The following LSM14A variants were observed in gnomAD, a reference collection of about 807,000 sequenced individuals.
LSM14A encodes protein LSM14 homolog A.
LSM14A carries 14 observed loss-of-function variants against 52.4 expected under a neutral mutation model. The ratio of observed to expected loss-of-function variants is 0.27; its 90% CI spans 0.18 to 0.42. The LOEUF is 0.42. LSM14A is among the 10% of genes least tolerant of loss of function. The pLI is 1.00. For synonymous variants in LSM14A, 185 were observed against 200.3 expected, an observed-to-expected ratio of 0.92 and a Z score of 0.64; for missense variants, 417 against 581.8, an observed-to-expected ratio of 0.72 and a Z score of 2.91.
chr19:34,221,832 T>G (rs1568502686), intron 9 of LSM14A, 94 bp downstream of exon 9: 1 of 1,476,962 alleles, frequency 6.8e-7, no homozygotes, highest in Non-Finnish European at 9.0e-7. Context: ...TGAATTGTTT[T>G]GAGGACATTA....
chr19:34,193,600 T>C (rs1289853657), intron 1 of LSM14A, among the ~76,000 whole-genome samples: 2 of 152,214 alleles, frequency 1.3e-5, no homozygotes, highest in Non-Finnish European at 2.9e-5. Context: ...ATTGTTAAAA[T>C]AATCAGATTT....
chr19:34,209,434 C>G (rs1027872605), intron 4 of LSM14A, among the ~76,000 whole-genome samples: 1 of 152,154 alleles, frequency 6.6e-6, no homozygotes, highest in African/African-American at 2.4e-5. Context: ...TAACATTTTC[C>G]CTAACATCCT....
intron 1 of LSM14A, among the ~76,000 whole-genome samples, chr19:34,179,256 C>T (rs1308763212): frequency 6.6e-6 from 1 of 152,188 alleles, no homozygotes. Context: ...TAATCATCTG[C>T]TAAGTCTGGC....
chr19:34,216,368 G>T (rs1416328878), intron 6 of LSM14A, among the ~76,000 whole-genome samples: 2 of 151,170 alleles, frequency 1.3e-5, no homozygotes, highest in Non-Finnish European at 2.9e-5. Flanking sequence ...AGCCGAGATT[G>T]CTCCACTGCA....
chr19:34,194,004 C>T (rs1356706958), intron 1 of LSM14A, among the ~76,000 whole-genome samples: 1 of 152,102 alleles, frequency 6.6e-6, no homozygotes, highest in Non-Finnish European at 1.5e-5. Flanking sequence ...GACCTCATCT[C>T]TACTAAAAAA....
chr19:34,182,152 T>G (rs1599661368), intron 1 of LSM14A, among the ~76,000 whole-genome samples: 2 of 152,318 alleles, frequency 1.3e-5, no homozygotes, highest in East Asian at 3.9e-4. Flanking sequence ...TTTCCAATAT[T>G]GACCTCTCAG....
At chr19:34,203,946 T>C (rs1423913645) in intron 3 of LSM14A, among the ~76,000 whole-genome samples, 1 of 149,486 alleles carries the variant, frequency 6.7e-6, no homozygotes, top group Non-Finnish European at 1.5e-5. Flanking sequence ...ATATTATGTT[T>C]ATAAGAAATG....
chr19:34,200,324 G>A (rs555729861), intron 3 of LSM14A, among the ~76,000 whole-genome samples: 46 of 152,284 alleles, frequency 3.0e-4, no homozygotes, highest in African/African-American at 1.0e-3. Context: ...TTTGTTTCCT[G>A]CAGGGGAGAA....
chr19:34,184,725 G>GAAAT (rs925776524), intron 1 of LSM14A, among the ~76,000 whole-genome samples: 5 of 152,084 alleles, frequency 3.3e-5, no homozygotes, highest in African/African-American at 1.2e-4. Flanking sequence ...ATCTAATTTG[G>GAAAT]GGTTTAGGTT....
At chr19:34,226,944 G>A (rs749484453) in intron 9 of LSM14A, among the ~76,000 whole-genome samples, 9 of 152,148 alleles carry the variant, frequency 5.9e-5, no homozygotes, top group Non-Finnish European at 1.2e-4. Context: ...TATACTGACT[G>A]GGTATTTTAT....
At chr19:34,215,983 G>A (rs573981662) in intron 6 of LSM14A, among the ~76,000 whole-genome samples, 8 of 152,264 alleles carry the variant, frequency 5.3e-5, no homozygotes, top group East Asian at 3.9e-4. Context: ...TCTTGGTTTC[G>A]ATAATGTACC....
chr19:34,227,178 A>G (rs1362616701), intron 9 of LSM14A, among the ~76,000 whole-genome samples, 187 bp from the exon 10 acceptor site: 1 of 152,180 alleles, frequency 6.6e-6, no homozygotes, highest in Non-Finnish European at 1.5e-5. Context: ...TGCAGTCAAC[A>G]ATGAGGTACT....
At chr19:34,191,253 T>C (rs1000601716) in intron 1 of LSM14A, among the ~76,000 whole-genome samples, 4 of 152,182 alleles carry the variant, frequency 2.6e-5, no homozygotes, top group Admixed American at 2.6e-4. Context: ...TAAAAGTCTA[T>C]GCTATCTGTT....
chr19:34,206,419 A>G (rs997610720), intron 3 of LSM14A, among the ~76,000 whole-genome samples: 7 of 152,124 alleles, frequency 4.6e-5, no homozygotes, highest in African/African-American at 1.4e-4. Context: ...CTGTAATCCC[A>G]GCACTTTGGG....
At chr19:34,225,814 C>T (rs2073310130) in intron 9 of LSM14A, among the ~76,000 whole-genome samples, 1 of 152,014 alleles carries the variant, frequency 6.6e-6, no homozygotes, top group Non-Finnish European at 1.5e-5. Flanking sequence ...CATGTAATAC[C>T]AGCATTTTGG....
At chr19:34,225,810 AT>A (rs1360455865) in intron 9 of LSM14A, among the ~76,000 whole-genome samples, 1 of 152,208 alleles carries the variant, frequency 6.6e-6, no homozygotes, top group Non-Finnish European at 1.5e-5. Flanking sequence ...TACACATGTA[AT>A]ACCAGCATTT....
chr19:34,180,411 C>G (rs915249059), intron 1 of LSM14A, among the ~76,000 whole-genome samples: 30 of 152,160 alleles, frequency 2.0e-4, no homozygotes, highest in Non-Finnish European at 1.9e-4. Flanking sequence ...GCTTTAACTT[C>G]TTCATCTTTT....
intron 1 of LSM14A, among the ~76,000 whole-genome samples, chr19:34,174,528 AG>A (rs1211812221): frequency 6.6e-6 from 1 of 152,234 alleles, no homozygotes; most frequent in Non-Finnish European, 1.5e-5. Flanking sequence ...AAACACCTGT[AG>A]ACTTGGCGGT....
intron 6 of LSM14A, among the ~76,000 whole-genome samples, chr19:34,216,874 A>G (rs1276450750): frequency 6.6e-6 from 1 of 152,090 alleles, no homozygotes; most frequent in Non-Finnish European, 1.5e-5. Flanking sequence ...TGTCAGTTTC[A>G]AGTTAGGATT....
Sources: allele counts gnomAD v4.1 joint callset (sites outside exome capture counted in the v4.1 genomes callset), GRCh38; gene constraint gnomAD v4.1.1; transcripts MANE v1.5; gene names NCBI Gene and HGNC (gene_info 2026-07-23, HGNC 2026-07-21).